Variants in DDC observed in about 807,000 individuals in gnomAD.
DDC encodes the protein dopa decarboxylase, also known as aromatic-L-amino-acid decarboxylase.
Under a neutral mutation model 60.0 loss-of-function variants are expected in DDC, and 43 were observed. That is an observed-to-expected ratio of 0.72 (90% CI 0.56 to 0.92). DDC has a LOEUF of 0.92. Ranked by LOEUF, DDC falls within the 40% of genes least tolerant of loss-of-function variation. The probability of loss-of-function intolerance (pLI) is 0.00; values close to 1 mark genes in which losing one functional copy is unlikely to be tolerated. For synonymous variants in DDC, 232 were observed against 234.6 expected (o/e 0.99, Z 0.10); for missense variants, 573 against 620.2 (o/e 0.92, Z 0.81).
At chr7:50,490,679 G>T (rs1036047997) in intron 9 of DDC, among the ~76,000 whole-genome samples, 1 of 152,066 alleles carries the variant, frequency 6.6e-6, no homozygotes, top group Non-Finnish European at 1.5e-5. Context: ...ACAGAGCAAG[G>T]CTCTGTCTCA....
chr7:50,543,997 T>C lies in DDC; in HGVS notation c.89A>G (p.Tyr30Cys), dbSNP rs904936999. Reference protein sequence around the residue: ...YMEGIEGRQVYPDVEPGYLRP... With the variant: ...YMEGIEGRQVCPDVEPGYLRP... ...CAGGTACCCGGGCTCCACGTCAGGG[T>C]AGACCTGGCGTCCCTCAATGCCTTC... Residue 30 changes from tyrosine (Y) to cysteine (C), a missense_variant, in exon 2 of 15, where the codon TAC becomes TGC. Transcript: ENST00000444124. The C allele has an allele frequency of 1.2e-6, 2 of 1,613,934 alleles. No individual in the cohort carries two copies. Among genetic ancestry groups the C allele is most frequent in the East Asian group, 4.5e-5 (2 of 44,894 alleles).
intron 6 of DDC, among the ~76,000 whole-genome samples, chr7:50,513,663 G>A (rs954729155): frequency 2.0e-5 from 3 of 152,042 alleles, no homozygotes; most frequent in Admixed American, 1.3e-4. Flanking sequence ...CAGGCCCTTC[G>A]GTTTGTGTGG....
At chr7:50,564,516 A>G (rs915393058) in intron 1 of DDC, among the ~76,000 whole-genome samples, 1 of 152,246 alleles carries the variant, frequency 6.6e-6, no homozygotes, top group Non-Finnish European at 1.5e-5. Flanking sequence ...CTGACCACTC[A>G]GAAGTAATGG....
intron 9 of DDC, among the ~76,000 whole-genome samples, chr7:50,487,275 A>ATAGATT (rs2042906278): frequency 6.6e-6 from 1 of 152,176 alleles, no homozygotes; most frequent in Admixed American, 6.5e-5. Context: ...TTAATTTGGT[A>ATAGATT]AAGTTAGTCT....
chr7:50,564,615 GA>G (rs1378129898), intron 1 of DDC, among the ~76,000 whole-genome samples: 4 of 152,190 alleles, frequency 2.6e-5, no homozygotes, highest in Admixed American at 2.6e-4. Context: ...AAAACCAGGA[GA>G]ACTTCGACTC....
chr7:50,525,554 AG>A (rs1359198536), intron 6 of DDC, among the ~76,000 whole-genome samples: 2 of 152,158 alleles, frequency 1.3e-5, no homozygotes, highest in African/African-American at 4.8e-5. Context: ...ACCTGCAGTC[AG>A]GGGTTCGAGA....
At chr7:50,493,027 C>T (rs1432496564) in intron 9 of DDC, 1 of 1,565,202 alleles carries the variant, frequency 6.4e-7, no homozygotes, top group African/African-American at 1.3e-5. Context: ...ACGCCGCATT[C>T]ATTACACTCC....
chr7:50,527,944 T>G (rs1353994868), intron 6 of DDC, 193 bp downstream of exon 6: 8 of 560,702 alleles, frequency 1.4e-5, no homozygotes, highest in African/African-American at 3.8e-5. Context: ...TCACACAGGC[T>G]GGAGTGCAGC....
chr7:50,473,722 T>C (rs1049059350), intron 11 of DDC, among the ~76,000 whole-genome samples: 1 of 152,210 alleles, frequency 6.6e-6, no homozygotes, highest in Non-Finnish European at 1.5e-5. Context: ...ACTCATGCAC[T>C]GCCAGCCATA....
At chr7:50,553,384 C>T (rs1019489200) in intron 1 of DDC, among the ~76,000 whole-genome samples, 4 of 152,232 alleles carry the variant, frequency 2.6e-5, no homozygotes, top group Middle Eastern at 3.4e-3. Flanking sequence ...GGCTCACTAT[C>T]CCCCTCAAGC....
Position 50,561,276 on chromosome 7 carries a change from G to A in DDC, c.-29+4009C>T, listed in dbSNP as rs572395298. On this transcript the variant is annotated intron_variant, in intron 1 of 14. Transcript: ENST00000444124. ...TCAGGGCCTGCTGGGACTGGCGAGAGGCCAAGGAAAAAATGGGCCCTGTGT... is the reference window on the plus strand; with the variant it reads ...TCAGGGCCTGCTGGGACTGGCGAGAAGCCAAGGAAAAAATGGGCCCTGTGT... 4.9e-4 allele frequency among the ~76,000 whole-genome samples: 74 copies of A among 152,216 alleles called. No individual in the cohort carries two copies. In the Middle Eastern group the frequency reaches 0.01, roughly 21 times the overall value.
intron 10 of DDC, among the ~76,000 whole-genome samples, chr7:50,477,916 T>G (rs149609678): frequency 0.012 from 1,791 of 152,118 alleles, 34 homozygotes; most frequent in African/African-American, 0.041. Context: ...TAAGAAATTG[T>G]CGACGCCAGG....
At chr7:50,491,812 T>A (rs957570356) in intron 9 of DDC, among the ~76,000 whole-genome samples, 4 of 152,204 alleles carry the variant, frequency 2.6e-5, no homozygotes, top group Non-Finnish European at 2.9e-5. Flanking sequence ...GACCATTCCC[T>A]CCCTCTTTCC....
chr7:50,517,301 G>C (rs1356100170), intron 6 of DDC, among the ~76,000 whole-genome samples: 1 of 152,076 alleles, frequency 6.6e-6, no homozygotes, highest in Non-Finnish European at 1.5e-5. Flanking sequence ...ACCACAGAAA[G>C]AGAATTAAAA....
intron 6 of DDC, among the ~76,000 whole-genome samples, chr7:50,526,669 A>C (rs11575359): frequency 0.018 from 2,696 of 152,340 alleles, 158 homozygotes; most frequent in Admixed American, 0.11. Flanking sequence ...CAATCGTCAC[A>C]CTGGATTTTA....
chr7:50,472,089 C>T (rs1213028828), intron 11 of DDC, among the ~76,000 whole-genome samples: 2 of 152,140 alleles, frequency 1.3e-5, no homozygotes, highest in Non-Finnish European at 2.9e-5. Context: ...AGACTGAATT[C>T]GATGCACTGT....
chr7:50,471,417 T>G (rs969624582), intron 11 of DDC, among the ~76,000 whole-genome samples: 1 of 152,032 alleles, frequency 6.6e-6, no homozygotes, highest in Non-Finnish European at 1.5e-5. Context: ...GTGGGTGGAA[T>G]GAACAGGTGG....
chr7:50,479,992 A>C (rs889450433), intron 9 of DDC, 129 bp from the exon 10 acceptor site: 10 of 728,090 alleles, frequency 1.4e-5, no homozygotes, highest in Non-Finnish European at 2.5e-6. Flanking sequence ...CTCTGCCTGC[A>C]CGGCCCTGTC....
At chr7:50,553,158 T>C (rs62447495) in intron 1 of DDC, among the ~76,000 whole-genome samples, 3,588 of 152,318 alleles carry the variant, frequency 0.024, 62 homozygotes, top group Non-Finnish European at 0.039. Flanking sequence ...ATGGCAACCA[T>C]GCACTGTGGA....
Sources: gnomAD v4.1 joint callset for allele counts (sites outside exome capture counted in the v4.1 genomes callset) on GRCh38, gnomAD v4.1.1 for gene constraint, MANE v1.5 for transcripts, NCBI Gene and HGNC (gene_info 2026-07-23, HGNC 2026-07-21) for gene names.